FAM240A: variants seen among roughly 807,000 people sequenced by gnomAD.
FAM240A encodes the protein family with sequence similarity 240 member A.
FAM240A carries 8 observed loss-of-function variants against 7.3 expected under a neutral mutation model. That is an observed-to-expected ratio of 1.09 (90% CI 0.64 to 1.97). The LOEUF is 1.97. Ranked by LOEUF, FAM240A falls within the 30% of genes most tolerant of loss-of-function variation. The pLI is 0.00. For synonymous variants in FAM240A, 32 were observed against 35.9 expected (o/e 0.89, Z 0.38); for missense variants, 90 against 102.2 (o/e 0.88, Z 0.52).
Position 46,617,404 on chromosome 3 carries a change from G to A in FAM240A, c.161+76G>A, listed in dbSNP as rs1381029318. The A allele has an allele frequency of 5.3e-6, 7 of 1,331,500 alleles. No homozygotes were observed. The African/African-American group carries it at 1.0e-4, about 20-fold the overall frequency. The allele number at this position is 1,331,500 out of a possible 1,614,324, so 82.5% of individuals were successfully genotyped here. On this transcript the variant is annotated intron_variant, in intron 2 of 2. Coordinates refer to ENST00000640551, the MANE Select transcript of FAM240A (RefSeq NM_001195442.2). The stretch of plus-strand genomic sequence containing the variant: ...ATCGTATAATTTAGAACAGTTTTAG[G>A]TTCACAGCAAAATTGAGCAGAAGGT...
chr3:46,617,197 A>G lies in FAM240A; in HGVS notation c.30A>G (p.Gln10=). MRLFSGMNN[Q]YTRREVFCRN... is the part of the protein sequence containing the mutation. ...TTCCTTTTTAGGGGATGAACAATCA[A>G]TACACCCGTCGGGAGGTCTTCTGCC... The change falls in exon 2 of 3, where the codon CAA becomes CAG. Residue 10 remains glutamine (Q), a synonymous_variant. Transcript: ENST00000640551. 4 of 1,530,790 alleles carry G rather than the reference A, an allele frequency of 2.6e-6. No individual in the cohort carries two copies. Among genetic ancestry groups the G allele is most frequent in the Non-Finnish European group, 3.5e-6 (4 of 1,145,068 alleles). 94.8% of individuals were successfully genotyped at this position (1,530,790 alleles called of 1,614,324 possible).
Position 46,625,274 on chromosome 3 carries a change from G to C in FAM240A, c.*56G>C. 2 of 1,344,682 alleles carry C rather than the reference G, an allele frequency of 1.5e-6. No individual in the cohort carries two copies. The highest frequency in any genetic ancestry group is 2.5e-5 in the South Asian group (2 of 78,518). 83.3% of individuals were successfully genotyped at this position (1,344,682 alleles called of 1,614,324 possible). On this transcript the variant is annotated 3_prime_UTR_variant, in exon 3 of 3. Transcript: ENST00000640551. The stretch of plus-strand genomic sequence containing the variant: ...GCAAAACACTGAGGTCACTTTGCTA[G>C]AAGTCAGTGCAAATTCCTGAGTCCC...
At chr3:46,616,909 C>T (rs1326036870) in intron 1 of FAM240A, among the ~76,000 whole-genome samples, 2 of 152,140 alleles carry the variant, frequency 1.3e-5, no homozygotes, top group African/African-American at 4.8e-5. Context: ...GGTAGATCTA[C>T]TCTCAGTTCT....
At chr3:46,623,736 G>C (rs552729525) in intron 2 of FAM240A, among the ~76,000 whole-genome samples, 6 of 151,974 alleles carry the variant, frequency 3.9e-5, no homozygotes, top group Non-Finnish European at 8.8e-5. Context: ...CTATCTCTTC[G>C]TCCTTTTACT....
At chr3:46,623,285 T>C (rs1697717491) in intron 2 of FAM240A, among the ~76,000 whole-genome samples, 1 of 152,168 alleles carries the variant, frequency 6.6e-6, no homozygotes, top group African/African-American at 2.4e-5. Flanking sequence ...TTGAACCCTT[T>C]TACATTTATT....
chr3:46,613,491 C>CTAAATAAA (rs148622433), intron 1 of FAM240A, among the ~76,000 whole-genome samples: 18,045 of 137,752 alleles, frequency 0.13, 1,364 homozygotes, highest in Non-Finnish European at 0.16. Context: ...GAAACTCCTT[C>CTAAATAAA]TAAATAAATA....
rs1186686691 is a variant in FAM240A at position 46,612,628 on chromosome 3, A to G, written c.-56A>G. 35 of 1,480,320 alleles carry G rather than the reference A, an allele frequency of 2.4e-5. No individual in the cohort carries two copies. The highest frequency in any genetic ancestry group is 3.0e-5 in the Non-Finnish European group (33 of 1,095,416). 91.7% of individuals were successfully genotyped at this position (1,480,320 alleles called of 1,614,324 possible). ...TCCTGGGGCAGCACAGATGCCTCAC[A>G]GGCGGTCAAGTGCGACACATTTGGT... On this transcript the variant is annotated 5_prime_UTR_variant, in exon 1 of 3. Coordinates refer to ENST00000640551, the MANE Select transcript of FAM240A (RefSeq NM_001195442.2).
chr3:46,614,831 G>C (rs873381), intron 1 of FAM240A, among the ~76,000 whole-genome samples: 13,019 of 152,176 alleles, frequency 0.086, 564 homozygotes, highest in Middle Eastern at 0.13. Context: ...ACTCAATATT[G>C]TGTGTAAATA....
chr3:46,625,428 T>G lies in FAM240A; in HGVS notation c.*210T>G, dbSNP rs1394588586. 8.9e-6 allele frequency: 3 copies of G among 335,898 alleles called. No homozygotes were observed. The highest frequency in any genetic ancestry group is 1.6e-5 in the Non-Finnish European group (3 of 184,270). 20.8% of individuals were successfully genotyped at this position (335,898 alleles called of 1,614,324 possible). A position where few individuals can be genotyped will look rare whatever the true frequency, so the allele number is the denominator to read the frequency against. ...TCCTCTGTGCATGGGCGCCAGGTTA[T>G]TATCCCAAATGTCTCTAAAGATAGC... On this transcript the variant is annotated 3_prime_UTR_variant, in exon 3 of 3. Coordinates refer to ENST00000640551, the MANE Select transcript of FAM240A (RefSeq NM_001195442.2).
At chr3:46,621,904 T>A (rs1022400755) in intron 2 of FAM240A, among the ~76,000 whole-genome samples, 5 of 152,002 alleles carry the variant, frequency 3.3e-5, no homozygotes, top group African/African-American at 9.7e-5. Flanking sequence ...TTACTTAGAG[T>A]GCTTTATGAT....
rs1258707394 is a variant in FAM240A, at chr3:46,625,831, C to T, written c.*613C>T. On this transcript the variant is annotated 3_prime_UTR_variant, in exon 3 of 3. Transcript: ENST00000640551. ...ATAATTTTAATAAAACTTGGTTGTC[C>T]TGTCATCACTATGCACATGCCTTCA... is the stretch of plus-strand genomic sequence containing the variant. 1 of 152,088 alleles carries T rather than the reference C, an allele frequency of 6.6e-6. No individual in the cohort carries two copies. Among genetic ancestry groups the T allele is most frequent in the African/African-American group, 2.4e-5 (1 of 41,398 alleles). 9.4% of individuals were successfully genotyped at this position (152,088 alleles called of 1,614,324 possible). A position where few individuals can be genotyped will look rare whatever the true frequency, so the allele number is the denominator to read the frequency against.
intron 2 of FAM240A, among the ~76,000 whole-genome samples, chr3:46,620,516 C>T (rs1358732628): frequency 3.4e-5 from 5 of 147,272 alleles, no homozygotes; most frequent in African/African-American, 5.0e-5. Context: ...AAAAAAAATC[C>T]GGATCTAATC....
At chr3:46,621,342 C>CA (rs1189490675) in intron 2 of FAM240A, among the ~76,000 whole-genome samples, 1 of 87,762 alleles carries the variant, frequency 1.1e-5, no homozygotes, top group African/African-American at 4.0e-5. Flanking sequence ...ACTGTATTAA[C>CA]AGACTTTATA....
At chr3:46,616,413 G>C (rs538198646) in intron 1 of FAM240A, among the ~76,000 whole-genome samples, 3 of 152,236 alleles carry the variant, frequency 2.0e-5, no homozygotes, top group Admixed American at 2.0e-4. Context: ...TAGTGTTTAA[G>C]TCTTGGCTTT....
chr3:46,617,327 A>G lies in FAM240A; in HGVS notation c.160A>G (p.Lys54Glu), dbSNP rs1180884627. The G allele has an allele frequency of 6.6e-7, 1 of 1,523,064 alleles. No homozygotes were observed. Among genetic ancestry groups the G allele is most frequent in the African/African-American group, 1.4e-5 (1 of 72,268 alleles). 94.3% of individuals were successfully genotyped at this position (1,523,064 alleles called of 1,614,324 possible). Residue 54 changes from lysine to glutamate, a missense_variant and splice_region_variant, in exon 2 of 3, where the codon AAG becomes GAG. By Grantham distance (56) the Lys-to-Glu change is moderately conservative. Coordinates refer to ENST00000640551, the MANE Select transcript of FAM240A (RefSeq NM_001195442.2). ...ERRLGRSALR[K>E]LREEWKQRLE... The stretch of plus-strand genomic sequence containing the variant: ...TCGTCTGGGAAGAAGCGCACTGAGA[A>G]AGTATGTGGCTTGTTTGTCTACTTT...
In FAM240A at chr3:46,614,852, C is replaced by T. The variant is rs1242317349; in HGVS notation, c.15+2154C>T. On this transcript the variant is annotated intron_variant, in intron 1 of 2. Coordinates refer to ENST00000640551, the MANE Select transcript of FAM240A (RefSeq NM_001195442.2). ...TATTGTGTGTAAATAAAGATTCACACTTATTCAAAGTTGTCAATGACATTT... is the reference window on the plus strand; with the variant it reads ...TATTGTGTGTAAATAAAGATTCACATTTATTCAAAGTTGTCAATGACATTT... Among the ~76,000 whole-genome samples the T allele has an allele frequency of 2.6e-5, 4 of 152,320 alleles. No homozygotes were observed. The South Asian group carries it at 6.2e-4, about 24-fold the overall frequency.
chr3:46,615,846 G>GCACACACACACA (rs201281577), intron 1 of FAM240A, among the ~76,000 whole-genome samples: 1 of 148,618 alleles, frequency 6.7e-6, no homozygotes, highest in African/African-American at 2.5e-5. Flanking sequence ...CCACATGTGT[G>GCACACACACACA]CACGCACACA....
At chr3:46,624,383 T>C (rs1362656713) in intron 2 of FAM240A, among the ~76,000 whole-genome samples, 1 of 149,974 alleles carries the variant, frequency 6.7e-6, no homozygotes, top group African/African-American at 2.5e-5. Flanking sequence ...GCAATTCTCC[T>C]GCCTCAGCCT....
At position 46,613,449 on chromosome 3, in the gene FAM240A, G is replaced by A. The variant is rs185807795; in HGVS notation, c.15+751G>A. Among the ~76,000 whole-genome samples, 25 of 151,788 alleles carry A rather than the reference G, an allele frequency of 1.6e-4. 1 individual carries two copies. The East Asian group carries it at 2.7e-3, about 16-fold the overall frequency. On this transcript the variant is annotated intron_variant, in intron 1 of 2. Transcript: ENST00000640551. ...GTGGAGGTTGCAGTGAGCTGAGATCGTGCCACTGCAATCCAGCCTGGGTGA... is the reference window on the plus strand; with the variant it reads ...GTGGAGGTTGCAGTGAGCTGAGATCATGCCACTGCAATCCAGCCTGGGTGA...
Sources: allele counts gnomAD v4.1 joint callset (sites outside exome capture counted in the v4.1 genomes callset), GRCh38; gene constraint gnomAD v4.1.1; transcripts MANE v1.5; gene names NCBI Gene and HGNC (gene_info 2026-07-23, HGNC 2026-07-21).